The following MTOR variants were observed in gnomAD, a reference collection of about 807,000 sequenced individuals.
The protein encoded by MTOR is serine/threonine-protein kinase mTOR.
Under a neutral mutation model 319.8 loss-of-function variants are expected in MTOR, and 70 were observed. The observed-to-expected ratio is 0.22, with a 90% CI of 0.18 to 0.27. The LOEUF is 0.27. Among genes scored for constraint, MTOR ranks in the 10% least tolerant of loss-of-function variants. MTOR has a pLI of 1.00. For missense variants in MTOR, 1,890 were observed against 3,274.4 expected, an observed-to-expected ratio of 0.58 and a Z score of 10.32; for synonymous variants, 1,183 against 1,211.4, an observed-to-expected ratio of 0.98 and a Z score of 0.49.
At chr1:11,119,757 A>C (rs1315433813) in intron 49 of MTOR, among the ~76,000 whole-genome samples, 1 of 151,060 alleles carries the variant, frequency 6.6e-6, no homozygotes, top group Non-Finnish European at 1.5e-5. Flanking sequence ...AAAAAAAAAA[A>C]CAAAACAAAA....
At chr1:11,141,034 ATTCT>A (rs1570973957) in intron 34 of MTOR, among the ~76,000 whole-genome samples, 1 of 149,392 alleles carries the variant, frequency 6.7e-6, no homozygotes, top group Non-Finnish European at 1.5e-5. Context: ...GGCATCTTAG[ATTCT>A]TTCTTCTTCA....
chr1:11,230,128 A>G (rs1481008614), intron 18 of MTOR, among the ~76,000 whole-genome samples: 1 of 152,142 alleles, frequency 6.6e-6, no homozygotes, highest in East Asian at 1.9e-4. Flanking sequence ...CTTTAAAAAA[A>G]AAAAAAAGGC....
At chr1:11,136,908 C>A (rs1643449469) in intron 36 of MTOR, among the ~76,000 whole-genome samples, 1 of 149,272 alleles carries the variant, frequency 6.7e-6, no homozygotes, top group South Asian at 2.1e-4. Flanking sequence ...GTGGCGTGAT[C>A]TTGGCTCACT....
At chr1:11,152,725 C>T (rs1644190905) in intron 30 of MTOR, among the ~76,000 whole-genome samples, 1 of 152,194 alleles carries the variant, frequency 6.6e-6, no homozygotes, top group Non-Finnish European at 1.5e-5. Context: ...TTCTTCATGT[C>T]ACCTCTGATG....
Position 11,212,300 on chromosome 1 carries a change from C to T in MTOR, c.3561+12G>A, listed in dbSNP as rs750585163. 2 of 1,611,646 alleles carry T rather than the reference C, an allele frequency of 1.2e-6. No individual in the cohort carries two copies. Among genetic ancestry groups the T allele is most frequent in the African/African-American group, 1.3e-5 (1 of 74,998 alleles). On this transcript the variant is annotated intron_variant, in intron 23 of 57. Transcript: ENST00000361445. This position sits in a 1 kb window ranked among gnomAD's most constrained non-coding sequence, Gnocchi z 4.1. ...GCAGAAGAGCACCTGTCTGTCCAGA[C>T]TCCCATCTTACCTTCTTCCCCAGCT...
chr1:11,260,106 T>C (rs1013937647), intron 1 of MTOR, among the ~76,000 whole-genome samples: 4 of 152,086 alleles, frequency 2.6e-5, no homozygotes, highest in Non-Finnish European at 5.9e-5. Flanking sequence ...CTATTATTAT[T>C]ACTACTACTA....
At chr1:11,203,121 G>A (rs959842032) in intron 26 of MTOR, among the ~76,000 whole-genome samples, 1 of 152,082 alleles carries the variant, frequency 6.6e-6, no homozygotes, top group Non-Finnish European at 1.5e-5. Flanking sequence ...GCTGAGGCAG[G>A]AGAATCGCTT....
chr1:11,253,713 T>C (rs1163743916), intron 6 of MTOR, 126 bp downstream of exon 6: 36 of 1,074,270 alleles, frequency 3.4e-5, no homozygotes, highest in Non-Finnish European at 4.9e-5. Flanking sequence ...TGAAATTATC[T>C]TATTTACTTA....
At chr1:11,190,769 G>GTTTT (rs1334149576) in intron 28 of MTOR, among the ~76,000 whole-genome samples, 1 of 152,172 alleles carries the variant, frequency 6.6e-6, no homozygotes, top group African/African-American at 2.4e-5. Context: ...AATATTAGTT[G>GTTTT]TAAGGAGCAT....
intron 11 of MTOR, among the ~76,000 whole-genome samples, chr1:11,239,726 G>A (rs922443281): frequency 1.3e-5 from 2 of 152,146 alleles, no homozygotes; most frequent in Admixed American, 6.5e-5. Context: ...CCAACATGGT[G>A]AAACCCCATC....
At chr1:11,124,758 A>G (rs1642733630) in intron 46 of MTOR, 125 bp from the exon 47 acceptor site, 3 of 1,075,848 alleles carry the variant, frequency 2.8e-6, no homozygotes. Context: ...GTTCCTCACA[A>G]AAAGAAAAAA....
At chr1:11,208,283 C>T (rs1454166991) in intron 25 of MTOR, among the ~76,000 whole-genome samples, 1 of 152,274 alleles carries the variant, frequency 6.6e-6, no homozygotes, top group Non-Finnish European at 1.5e-5. Context: ...TTTACTACCT[C>T]CATCTTAACC....
At chr1:11,222,200 ATT>A (rs879898824) in intron 19 of MTOR, among the ~76,000 whole-genome samples, 5 of 146,022 alleles carry the variant, frequency 3.4e-5, no homozygotes, top group South Asian at 4.3e-4. Flanking sequence ...TTTAAAAAAA[ATT>A]TTTTTTTTTT....
chr1:11,160,931 G>A (rs1056103204), intron 29 of MTOR, among the ~76,000 whole-genome samples: 1 of 152,144 alleles, frequency 6.6e-6, no homozygotes, highest in Admixed American at 6.5e-5. Flanking sequence ...TTGTCGGACA[G>A]TGGGTGCAGG....
At chr1:11,110,075 T>G (rs1261480385) in intron 54 of MTOR, among the ~76,000 whole-genome samples, 2 of 152,122 alleles carry the variant, frequency 1.3e-5, no homozygotes, top group Non-Finnish European at 2.9e-5. Flanking sequence ...TTGGTGCTTA[T>G]CAGAATTGAA....
intron 28 of MTOR, chr1:11,195,044 C>A (rs758209697): frequency 6.2e-7 from 1 of 1,610,694 alleles, no homozygotes; most frequent in South Asian, 1.1e-5. Context: ...CCGTGGAGCA[C>A]GGATACAGAA....
chr1:11,112,393 C>A (rs1641932653), intron 54 of MTOR, among the ~76,000 whole-genome samples: 2 of 152,162 alleles, frequency 1.3e-5, no homozygotes, highest in South Asian at 4.1e-4. Context: ...GCTTCAGGTA[C>A]CCACTCCATG....
intron 6 of MTOR, among the ~76,000 whole-genome samples, chr1:11,250,003 A>G (rs1649404433): frequency 6.8e-6 from 1 of 146,354 alleles, no homozygotes; most frequent in Non-Finnish European, 1.5e-5. Flanking sequence ...GGCCGGGCAG[A>G]GGCGCCCCTC....
intron 19 of MTOR, among the ~76,000 whole-genome samples, chr1:11,218,429 C>CAAA (rs34237271): frequency 8.0e-6 from 1 of 124,810 alleles, no homozygotes. Flanking sequence ...GACTCCATCT[C>CAAA]AAAAAAAAAA....
Sources: allele counts gnomAD v4.1 joint callset (sites outside exome capture counted in the v4.1 genomes callset), GRCh38; gene constraint gnomAD v4.1.1; non-coding constraint Gnocchi (gnomAD v3.1); transcripts MANE v1.5; gene names NCBI Gene and HGNC (gene_info 2026-07-23, HGNC 2026-07-21).